Variants in RAI14 observed in about 807,000 individuals in gnomAD.
The protein encoded by RAI14 is retinoic acid induced 14, also known as ankycorbin.
In RAI14, 45 loss-of-function variants were observed where a neutral mutation model predicts 115.4. The ratio of observed to expected loss-of-function variants is 0.39; its 90% CI spans 0.31 to 0.50. The LOEUF is 0.50. Ranked by LOEUF, RAI14 falls within the 20% of genes least tolerant of loss-of-function variation. RAI14 has a pLI of 0.85. For missense variants in RAI14, 939 were observed against 1,131.2 expected (o/e 0.83, Z 2.44); for synonymous variants, 371 against 415.4 (o/e 0.89, Z 1.30).
At chr5:34,690,342 G>A (rs931051307) in intron 2 of RAI14, among the ~76,000 whole-genome samples, 1 of 152,176 alleles carries the variant, frequency 6.6e-6, no homozygotes, top group Non-Finnish European at 1.5e-5. Context: ...TATTTCTGGG[G>A]GGTAGGAAGA....
chr5:34,732,284 C>G (rs1350142186), intron 2 of RAI14, among the ~76,000 whole-genome samples: 1 of 152,076 alleles, frequency 6.6e-6, no homozygotes, highest in Non-Finnish European at 1.5e-5. Context: ...AAGAGCCAGA[C>G]AAATGTGGCC....
chr5:34,777,911 G>T (rs336475), intron 3 of RAI14, among the ~76,000 whole-genome samples: 91,668 of 151,864 alleles, frequency 0.6, 29,415 homozygotes, highest in African/African-American at 0.83. Context: ...CATAGTTAGA[G>T]CTACAAATGA....
intron 1 of RAI14, among the ~76,000 whole-genome samples, chr5:34,679,041 A>G (rs1744200069): frequency 6.6e-6 from 1 of 152,190 alleles, no homozygotes; most frequent in Non-Finnish European, 1.5e-5. Flanking sequence ...AGCATAGGCC[A>G]GTTTCTCTCC....
intron 3 of RAI14, among the ~76,000 whole-genome samples, chr5:34,763,122 A>G (rs1021025412): frequency 6.6e-6 from 1 of 152,122 alleles, no homozygotes; most frequent in Non-Finnish European, 1.5e-5. Flanking sequence ...TTTAGAAATC[A>G]CTATAATAAG....
intron 1 of RAI14, among the ~76,000 whole-genome samples, chr5:34,662,392 T>C (rs459919): frequency 0.49 from 74,228 of 152,056 alleles, 18,837 homozygotes; most frequent in South Asian, 0.68. Context: ...ACTGAATTTT[T>C]TCTACCTTGC....
intron 1 of RAI14, among the ~76,000 whole-genome samples, chr5:34,665,200 C>T (rs13170671): frequency 0.35 from 6,658 of 19,290 alleles, 2,430 homozygotes; most frequent in South Asian, 0.8. Context: ...TATATATATA[C>T]ACACACCACA....
chr5:34,811,438 A>G (rs1482810811), intron 8 of RAI14, among the ~76,000 whole-genome samples: 1 of 152,234 alleles, frequency 6.6e-6, no homozygotes, highest in Non-Finnish European at 1.5e-5. Context: ...TCTTAGAAAT[A>G]TATATGTTAT....
chr5:34,734,422 C>T (rs1334002787), intron 2 of RAI14, among the ~76,000 whole-genome samples: 1 of 152,146 alleles, frequency 6.6e-6, no homozygotes, highest in African/African-American at 2.4e-5. Context: ...AAGGTGGTAA[C>T]TTTGTGGTTC....
At chr5:34,681,791 G>T (rs956543678) in intron 1 of RAI14, among the ~76,000 whole-genome samples, 1 of 151,466 alleles carries the variant, frequency 6.6e-6, no homozygotes, top group African/African-American at 2.4e-5. Flanking sequence ...GAGTTGCTGT[G>T]CCCGCCCTGC....
rs1758059238 is a variant in RAI14, at chr5:34,832,136, A to T, written c.*1371A>T. ...AGAGAGACAGAATCCTGGACTCTCC[A>T]AAGTATTTAACTGAAAGTAGGGCCT... On this transcript the variant is annotated 3_prime_UTR_variant, in exon 18 of 18. Transcript: ENST00000265109. 6.6e-6 allele frequency: 1 copy of T among 152,466 alleles called. No individual in the cohort carries two copies. The highest frequency in any genetic ancestry group is 1.5e-5 in the Non-Finnish European group (1 of 68,056). The allele number at this position is 152,466 out of a possible 1,614,324, so 9.4% of individuals were successfully genotyped here.
intron 5 of RAI14, 74 bp downstream of exon 5, chr5:34,803,850 C>T (rs2150234690): frequency 1.5e-6 from 2 of 1,322,204 alleles, no homozygotes; most frequent in Middle Eastern, 1.9e-4. Flanking sequence ...TGTGAAAGAA[C>T]AAACACACCC....
intron 2 of RAI14, among the ~76,000 whole-genome samples, chr5:34,750,014 T>C (rs564613522): frequency 6.6e-6 from 1 of 152,322 alleles, no homozygotes; most frequent in South Asian, 2.1e-4. Flanking sequence ...TCCTAAATTG[T>C]AAATATTAAA....
rs567880270 is a variant in RAI14, at chr5:34,724,312, G to A, written c.37-33156G>A. Among the ~76,000 whole-genome samples, 526 of 152,186 alleles carry A rather than the reference G, an allele frequency of 3.5e-3. 2 individuals are homozygous for A. Among genetic ancestry groups the A allele is most frequent in the Non-Finnish European group, 6.6e-3 (446 of 68,020 alleles). On this transcript the variant is annotated intron_variant, in intron 2 of 17. Transcript: ENST00000265109. ...ATTACAGGTGTGAGCCACCACACCC[G>A]GCCTAGTTGTTCCTTTCTAGAGGAC...
chr5:34,750,982 A>T (rs1746934686), intron 2 of RAI14, among the ~76,000 whole-genome samples: 1 of 147,890 alleles, frequency 6.8e-6, no homozygotes, highest in African/African-American at 2.5e-5. Flanking sequence ...CATCCCGAGT[A>T]GCGGGGATTA....
intron 1 of RAI14, among the ~76,000 whole-genome samples, chr5:34,679,004 C>T (rs930301667): frequency 6.6e-6 from 1 of 152,234 alleles, no homozygotes; most frequent in Non-Finnish European, 1.5e-5. Context: ...AACACAACAG[C>T]AAGCTCTCCT....
chr5:34,784,413 A>C (rs1752037780), intron 3 of RAI14, among the ~76,000 whole-genome samples: 1 of 152,190 alleles, frequency 6.6e-6, no homozygotes, highest in African/African-American at 2.4e-5. Context: ...TGTTTAGGAA[A>C]ATGATTATTG....
rs139650189 is a variant in RAI14, at chr5:34,815,561, G to A, written c.939+892G>A. 5.8e-3 allele frequency among the ~76,000 whole-genome samples: 887 copies of A among 152,168 alleles called. 8 individuals are homozygous for A. The highest frequency in any genetic ancestry group is 0.02 in the African/African-American group (844 of 41,522). ...ATGGGCGACAGAGCGAGTGTCTTGT[G>A]GTGGGGAGCAGGGACAAAGTTTACT... is the stretch of plus-strand genomic sequence containing the variant. On this transcript the variant is annotated intron_variant, in intron 12 of 17. Coordinates refer to ENST00000265109, the MANE Select transcript of RAI14 (RefSeq NM_015577.3).
At chr5:34,722,147 G>A (rs114945440) in intron 2 of RAI14, among the ~76,000 whole-genome samples, 4,924 of 9,764 alleles carry the variant, frequency 0.5, 110 homozygotes, top group South Asian at 0.51. Context: ...CTGAGTTGTG[G>A]CCCCGCCCAC....
At chr5:34,787,941 G>T (rs1478456219) in intron 3 of RAI14, among the ~76,000 whole-genome samples, 7 of 48,492 alleles carry the variant, frequency 1.4e-4, no homozygotes, top group African/African-American at 4.5e-4. Flanking sequence ...TTTGAGACAG[G>T]GTCTCACCGT....
Sources: gnomAD v4.1 joint callset for allele counts (sites outside exome capture counted in the v4.1 genomes callset) on GRCh38, gnomAD v4.1.1 for gene constraint, MANE v1.5 for transcripts, NCBI Gene and HGNC (gene_info 2026-07-23, HGNC 2026-07-21) for gene names.